RAB3D: variants seen among roughly 807,000 people sequenced by gnomAD.
RAB3D encodes ras-related protein Rab-3D.
In RAB3D, 17 loss-of-function variants were observed where a neutral mutation model predicts 19.3. That is an observed-to-expected ratio of 0.88 (90% confidence interval 0.60 to 1.32). The LOEUF (loss-of-function observed/expected upper bound fraction) is 1.32, where lower values mean the gene tolerates loss of function less well. RAB3D is among the 40% of genes most tolerant of loss of function. RAB3D has a pLI of 0.00. For synonymous variants in RAB3D, 103 were observed against 119.9 expected, an observed-to-expected ratio of 0.86 and a Z score of 0.92; for missense variants, 223 against 299.1, an observed-to-expected ratio of 0.75 and a Z score of 1.88.
At chr19:11,330,842 G>A (rs142775477) in intron 4 of RAB3D, among the ~76,000 whole-genome samples, 4,821 of 151,782 alleles carry the variant, frequency 0.032, 238 homozygotes, top group African/African-American at 0.11. Flanking sequence ...GAGCCACTGC[G>A]CCCGGCAAAA....
chr19:11,325,230 C>G lies in RAB3D; in HGVS notation c.*168G>C, dbSNP rs2080804721. 1.7e-6 allele frequency: 1 copy of G among 576,298 alleles called. No individual in the cohort carries two copies. The allele number at this position is 576,298 out of a possible 1,614,324, so 35.7% of individuals were successfully genotyped here. A position where few individuals can be genotyped will look rare whatever the true frequency, so the allele number is the denominator to read the frequency against. On this transcript the variant is annotated 3_prime_UTR_variant, in exon 5 of 5. Transcript: ENST00000222120. ...CTCCCACCGGGGCTGCCTGAGGAACCTGGCAGCCACGGCGACATTGTGAAG... is the reference window on the plus strand; with the variant it reads ...CTCCCACCGGGGCTGCCTGAGGAACGTGGCAGCCACGGCGACATTGTGAAG...
chr19:11,325,111 C>A lies in RAB3D; in HGVS notation c.*287G>T, dbSNP rs958339845. ...GAGTGGGACGTGTCACCCATGGCCACCCTCAACACACCCTGGAAAGCAGCA... is the reference window on the plus strand; with the variant it reads ...GAGTGGGACGTGTCACCCATGGCCAACCTCAACACACCCTGGAAAGCAGCA... On this transcript the variant is annotated 3_prime_UTR_variant, in exon 5 of 5. Coordinates refer to ENST00000222120, the MANE Select transcript of RAB3D (RefSeq NM_004283.4). The A allele has an allele frequency of 9.1e-6, 3 of 329,756 alleles. No homozygotes were observed. The highest frequency in any genetic ancestry group is 4.3e-5 in the Admixed American group (1 of 23,238). 20.4% of individuals were successfully genotyped at this position (329,756 alleles called of 1,614,324 possible). A position where few individuals can be genotyped will look rare whatever the true frequency, so the allele number is the denominator to read the frequency against.
At chr19:11,339,265 C>G (rs909075743) in intron 1 of RAB3D, among the ~76,000 whole-genome samples, 3 of 152,188 alleles carry the variant, frequency 2.0e-5, no homozygotes, top group Non-Finnish European at 4.4e-5. Flanking sequence ...GGCGCCCCAG[C>G]CAATGCAGGT....
intron 4 of RAB3D, among the ~76,000 whole-genome samples, chr19:11,331,031 A>T (rs1312287656): frequency 2.0e-5 from 3 of 149,936 alleles, no homozygotes; most frequent in Non-Finnish European, 3.0e-5. Context: ...AAAAAAAAAA[A>T]TTTAAAAAAT....
At chr19:11,330,461 T>C (rs914583731) in intron 4 of RAB3D, among the ~76,000 whole-genome samples, 1 of 152,224 alleles carries the variant, frequency 6.6e-6, no homozygotes, top group African/African-American at 2.4e-5. Context: ...ACTCCTGTGA[T>C]CCCAGCACTT....
At chr19:11,335,257 A>G (rs571936568) in intron 4 of RAB3D, among the ~76,000 whole-genome samples, 190 bp downstream of exon 4, 2 of 152,202 alleles carry the variant, frequency 1.3e-5, no homozygotes, top group African/African-American at 2.4e-5. Flanking sequence ...CCCAGGGGAT[A>G]GGCAGTGGGG....
In RAB3D at chr19:11,325,343, G is replaced by A. The variant is rs904427619; in HGVS notation, c.*55C>T. Reference sequence around the variant, plus strand: ...AGATAACCACTGTGGCTCACGCCTCGATCACAGTCCCTGCCGAGGCAGGAG... The same window carrying A: ...AGATAACCACTGTGGCTCACGCCTCAATCACAGTCCCTGCCGAGGCAGGAG... On this transcript the variant is annotated 3_prime_UTR_variant, in exon 5 of 5. Coordinates refer to ENST00000222120, the MANE Select transcript of RAB3D (RefSeq NM_004283.4). The A allele has an allele frequency of 1.1e-5, 14 of 1,235,888 alleles. No homozygotes were observed. Among genetic ancestry groups the A allele is most frequent in the African/African-American group, 6.1e-5 (4 of 65,502 alleles). The allele number at this position is 1,235,888 out of a possible 1,614,324, so 76.6% of individuals were successfully genotyped here. A position where few individuals can be genotyped will look rare whatever the true frequency, so the allele number is the denominator to read the frequency against.
intron 4 of RAB3D, among the ~76,000 whole-genome samples, chr19:11,327,855 G>GA (rs1048779161): frequency 4.5e-4 from 68 of 151,286 alleles, no homozygotes; most frequent in Middle Eastern, 3.4e-3. Flanking sequence ...TTTTAAAAAG[G>GA]AAAAAAAATA....
At chr19:11,335,874 C>T in intron 2 of RAB3D, 91 bp from the exon 3 acceptor site, 1 of 1,206,280 alleles carries the variant, frequency 8.3e-7, no homozygotes, top group Non-Finnish European at 1.2e-6. Context: ...CTCATAGCCC[C>T]AGCCTTACGG....
chr19:11,338,871 T>C (rs978591535), intron 1 of RAB3D, among the ~76,000 whole-genome samples: 1 of 151,872 alleles, frequency 6.6e-6, no homozygotes, highest in Non-Finnish European at 1.5e-5. Context: ...CCTCATAACC[T>C]CTCCCAGGCC....
At position 11,337,187 on chromosome 19, in the gene RAB3D, G is replaced by T. The variant is rs1308787444; in HGVS notation, c.213C>A (p.Ile71=). Residue 71 remains isoleucine, a synonymous_variant, in exon 2 of 5, where the codon ATC becomes ATA. Transcript: ENST00000222120. ...VKTVYRHDKR[I]KLQIWDTAGQ... is the part of the protein sequence containing the mutation. Reference sequence around the variant, plus strand: ...CCCAGCCTACCCAGATCTGCAGCTTGATCCTCTTGTCATGGCGGTAGACGG... The same window carrying T: ...CCCAGCCTACCCAGATCTGCAGCTTTATCCTCTTGTCATGGCGGTAGACGG... 6.2e-7 allele frequency: 1 copy of T among 1,613,806 alleles called. No homozygotes were observed. Among genetic ancestry groups the T allele is most frequent in the Non-Finnish European group, 8.5e-7 (1 of 1,179,886 alleles).
In RAB3D at chr19:11,337,203, C is replaced by A; in HGVS notation, c.197G>T (p.Arg66Leu). 1 of 1,614,016 alleles carries A rather than the reference C, an allele frequency of 6.2e-7. No homozygotes were observed. The highest frequency in any genetic ancestry group is 8.5e-7 in the Non-Finnish European group (1 of 1,179,974). The change falls in exon 2 of 5, where the codon CGC (arginine) becomes CTC (leucine). Residue 66 changes from arginine to leucine, a missense_variant. Physicochemically the swap from Arg to Leu is moderately radical, Grantham distance 102 (BLOSUM62 -2). Coordinates refer to ENST00000222120, the MANE Select transcript of RAB3D (RefSeq NM_004283.4). ...GIDFKVKTVY[R>L]HDKRIKLQIW... ...CTGCAGCTTGATCCTCTTGTCATGG[C>A]GGTAGACGGTCTTGACCTTGAAATC...
At chr19:11,336,701 T>C (rs1966898140) in intron 2 of RAB3D, among the ~76,000 whole-genome samples, 1 of 151,588 alleles carries the variant, frequency 6.6e-6, no homozygotes, top group Non-Finnish European at 1.5e-5. Context: ...AGTATTACAG[T>C]GGCTCATGCC....
chr19:11,335,697 G>A lies in RAB3D; in HGVS notation c.315C>T (p.Ala105=), dbSNP rs770073574. ...GCACAGCGGCAAAGGATTCCTGATT[G>A]GCGATGTCATACATGAGCAGGAAGC... The part of the protein sequence containing the change: ...AMGFLLMYDI[A]NQESFAAVQD... The change falls in exon 3 of 5, where the codon GCC becomes GCT. Residue 105 remains alanine, a synonymous_variant. Transcript: ENST00000222120. 54 of 1,614,048 alleles carry A rather than the reference G, an allele frequency of 3.3e-5. No individual in the cohort carries two copies. The highest frequency in any genetic ancestry group is 3.7e-5 in the Non-Finnish European group (44 of 1,180,016).
At chr19:11,332,935 TGCTGCA>T (rs1208518107) in intron 4 of RAB3D, among the ~76,000 whole-genome samples, 2 of 152,152 alleles carry the variant, frequency 1.3e-5, no homozygotes, top group Non-Finnish European at 2.9e-5. Flanking sequence ...TAAAAATGAC[TGCTGCA>T]GCTGCATTTG....
chr19:11,330,409 T>C (rs1376356696), intron 4 of RAB3D, among the ~76,000 whole-genome samples: 1 of 152,166 alleles, frequency 6.6e-6, no homozygotes, highest in Non-Finnish European at 1.5e-5. Context: ...CCATAGACAA[T>C]GCATCAACAA....
intron 4 of RAB3D, among the ~76,000 whole-genome samples, chr19:11,326,250 G>A (rs988456159): frequency 7.3e-5 from 11 of 151,724 alleles, no homozygotes; most frequent in African/African-American, 1.7e-4. Context: ...GCATGGTGGC[G>A]TTCACCTGCA....
intron 4 of RAB3D, chr19:11,327,019 C>G (rs143644613): frequency 2.1e-6 from 1 of 472,260 alleles, no homozygotes; most frequent in Non-Finnish European, 3.7e-6. Context: ...TTCAGACAAA[C>G]GCCTGCCACG....
chr19:11,336,060 G>A (rs1966893136), intron 2 of RAB3D, among the ~76,000 whole-genome samples: 1 of 152,156 alleles, frequency 6.6e-6, no homozygotes, highest in South Asian at 2.1e-4. Flanking sequence ...GGGGTCAGTG[G>A]CCTCTCACAG....
Sources: gnomAD v4.1 joint callset for allele counts (sites outside exome capture counted in the v4.1 genomes callset) on GRCh38, gnomAD v4.1.1 for gene constraint, MANE v1.5 for transcripts, NCBI Gene and HGNC (gene_info 2026-07-23, HGNC 2026-07-21) for gene names.